The following ARHGAP24 variants were observed in gnomAD, a reference collection of about 807,000 sequenced individuals.
The protein encoded by ARHGAP24 is rho GTPase-activating protein 24.
Under a neutral mutation model 76.4 loss-of-function variants are expected in ARHGAP24, and 50 were observed. The ratio of observed to expected loss-of-function variants is 0.65; its 90% confidence interval spans 0.52 to 0.83. The LOEUF (loss-of-function observed/expected upper bound fraction) is 0.83, where lower values mean the gene tolerates loss of function less well. ARHGAP24 is among the 40% of genes least tolerant of loss of function. ARHGAP24 has a pLI of 0.00. For missense variants in ARHGAP24, 930 were observed against 914.2 expected (o/e 1.02, Z -0.22); for synonymous variants, 345 against 323.3 (o/e 1.07, Z -0.72).
At chr4:85,934,570 G>A (rs1421945020) in intron 4 of ARHGAP24, among the ~76,000 whole-genome samples, 3 of 152,002 alleles carry the variant, frequency 2.0e-5, no homozygotes, top group African/African-American at 7.3e-5. Context: ...GCTGGAGTGC[G>A]GTGGTGAAAT....
chr4:85,745,125 G>T (rs1179311586), intron 3 of ARHGAP24, among the ~76,000 whole-genome samples: 2 of 151,898 alleles, frequency 1.3e-5, no homozygotes, highest in Non-Finnish European at 2.9e-5. Context: ...AGGAAAACGT[G>T]AAAAGGAGAG....
chr4:85,806,990 A>G (rs1728817851), intron 3 of ARHGAP24, among the ~76,000 whole-genome samples: 1 of 152,224 alleles, frequency 6.6e-6, no homozygotes, highest in Non-Finnish European at 1.5e-5. Flanking sequence ...CTTTTTAACC[A>G]AATCAAAGGC....
At chr4:85,816,591 T>C (rs183932544) in intron 3 of ARHGAP24, among the ~76,000 whole-genome samples, 2 of 152,314 alleles carry the variant, frequency 1.3e-5, no homozygotes, top group Admixed American at 1.3e-4. Flanking sequence ...ATCTTTTTCT[T>C]TCAAAATTAA....
At chr4:85,668,722 A>G (rs1425596269) in intron 2 of ARHGAP24, among the ~76,000 whole-genome samples, 3 of 152,156 alleles carry the variant, frequency 2.0e-5, no homozygotes, top group African/African-American at 7.2e-5. Context: ...GCGGTTCTTC[A>G]TGATAGGCCT....
intron 3 of ARHGAP24, among the ~76,000 whole-genome samples, chr4:85,869,286 C>T (rs899547781): frequency 2.6e-5 from 4 of 152,144 alleles, no homozygotes; most frequent in South Asian, 2.1e-4. Flanking sequence ...AGGGCTGCTG[C>T]GCTCCAGGAG....
chr4:85,700,458 C>G (rs1724039879), intron 2 of ARHGAP24, among the ~76,000 whole-genome samples: 1 of 150,434 alleles, frequency 6.6e-6, no homozygotes, highest in Non-Finnish European at 1.5e-5. Context: ...GTTGCTAATG[C>G]AGCTGACGTG....
chr4:85,805,380 C>G (rs868860380), intron 3 of ARHGAP24, among the ~76,000 whole-genome samples: 1 of 152,094 alleles, frequency 6.6e-6, no homozygotes, highest in Non-Finnish European at 1.5e-5. Flanking sequence ...GGATGATTAC[C>G]CAGCCGCTTT....
intron 3 of ARHGAP24, among the ~76,000 whole-genome samples, chr4:85,917,036 A>G (rs1000195708): frequency 3.3e-5 from 5 of 152,132 alleles, no homozygotes; most frequent in African/African-American, 1.2e-4. Context: ...AGCAGTAGGT[A>G]TACCTCCTAA....
intron 3 of ARHGAP24, among the ~76,000 whole-genome samples, chr4:85,859,212 T>TACACACACACACACACACACACACAC (rs10645010): frequency 1.4e-5 from 2 of 145,454 alleles, no homozygotes; most frequent in South Asian, 2.2e-4. Context: ...GCCACATGCA[T>TACACACACACACACACACACACACAC]ACACACACAC....
At chr4:85,880,078 T>G (rs1458014217) in intron 3 of ARHGAP24, among the ~76,000 whole-genome samples, 1 of 152,210 alleles carries the variant, frequency 6.6e-6, no homozygotes, top group Non-Finnish European at 1.5e-5. Context: ...TATACTGTTT[T>G]TTCCTATACA....
chr4:85,936,783 G>T (rs116020178), intron 4 of ARHGAP24, among the ~76,000 whole-genome samples: 1 of 152,124 alleles, frequency 6.6e-6, no homozygotes, highest in Non-Finnish European at 1.5e-5. Flanking sequence ...GACTCTTACA[G>T]GATAAGGTTT....
At chr4:85,618,202 C>G (rs1300483760) in intron 2 of ARHGAP24, among the ~76,000 whole-genome samples, 1 of 152,100 alleles carries the variant, frequency 6.6e-6, no homozygotes, top group African/African-American at 2.4e-5. Context: ...TCTGTGACTT[C>G]GACTTCTTTA....
intron 6 of ARHGAP24, chr4:85,972,421 T>C (rs896672007): frequency 2.0e-6 from 1 of 489,550 alleles, no homozygotes; most frequent in Non-Finnish European, 3.7e-6. Context: ...CCCTAAATGA[T>C]AAATGCAGTG....
chr4:85,941,716 G>A (rs1340127768), intron 4 of ARHGAP24, among the ~76,000 whole-genome samples: 2 of 152,114 alleles, frequency 1.3e-5, no homozygotes, highest in Non-Finnish European at 2.9e-5. Flanking sequence ...CTGCTTTTAA[G>A]CTATTGAATA....
intron 3 of ARHGAP24, among the ~76,000 whole-genome samples, chr4:85,912,392 G>A (rs1735140280): frequency 6.6e-6 from 1 of 152,094 alleles, no homozygotes; most frequent in Admixed American, 6.6e-5. Flanking sequence ...TAAACTGTGG[G>A]AGAAAAAGCA....
intron 2 of ARHGAP24, among the ~76,000 whole-genome samples, chr4:85,649,883 C>T (rs1177227427): frequency 6.6e-6 from 1 of 151,992 alleles, no homozygotes; most frequent in Non-Finnish European, 1.5e-5. Context: ...TTCATAATGC[C>T]TTTAATTATT....
chr4:85,767,640 CA>C (rs1726979547), intron 3 of ARHGAP24, among the ~76,000 whole-genome samples: 1 of 113,002 alleles, frequency 8.8e-6, no homozygotes, highest in Admixed American at 1.0e-4. Flanking sequence ...TAGATTACCC[CA>C]AAGGGGCAAA....
intron 2 of ARHGAP24, among the ~76,000 whole-genome samples, chr4:85,599,394 T>A (rs1293482104): frequency 6.6e-6 from 1 of 152,192 alleles, no homozygotes; most frequent in Non-Finnish European, 1.5e-5. Context: ...TTATAGTATA[T>A]GTCTTCTCTG....
At chr4:85,747,571 C>T (rs926184015) in intron 3 of ARHGAP24, among the ~76,000 whole-genome samples, 5 of 151,774 alleles carry the variant, frequency 3.3e-5, no homozygotes, top group East Asian at 1.9e-4. Context: ...GGCGTAGTGG[C>T]GGGCGCCTGT....
Sources: gnomAD v4.1 joint callset for allele counts (sites outside exome capture counted in the v4.1 genomes callset) on GRCh38, gnomAD v4.1.1 for gene constraint, MANE v1.5 for transcripts, NCBI Gene and HGNC (gene_info 2026-07-23, HGNC 2026-07-21) for gene names.